Variants in EVC2 observed in about 807,000 individuals in gnomAD.
EVC2 encodes the protein limbin.
A neutral mutation model predicts 149.3 loss-of-function variants in EVC2; 148 were observed. The ratio of observed to expected loss-of-function variants is 0.99; its 90% CI spans 0.87 to 1.14. EVC2 has a LOEUF of 1.14. Among genes scored for constraint, EVC2 ranks in the 50% most tolerant of loss-of-function variants. The pLI is 0.00. For synonymous variants in EVC2, 776 were observed against 649.9 expected, an observed-to-expected ratio of 1.19 and a Z score of -2.95; for missense variants, 1,854 against 1,627.3, an observed-to-expected ratio of 1.14 and a Z score of -2.40.
chr4:5,703,819 T>C (rs1049005268), intron 1 of EVC2, among the ~76,000 whole-genome samples: 1 of 151,912 alleles, frequency 6.6e-6, no homozygotes, highest in Non-Finnish European at 1.5e-5. Flanking sequence ...ATAAGAACAG[T>C]GGAGCAAAAT....
At chr4:5,692,639 G>A (rs560011273) in intron 3 of EVC2, among the ~76,000 whole-genome samples, 1 of 150,856 alleles carries the variant, frequency 6.6e-6, no homozygotes, top group African/African-American at 2.4e-5. Flanking sequence ...AGGCCGAGGC[G>A]GGTGGATCAT....
At chr4:5,695,370 A>AT (rs1392905166) in intron 2 of EVC2, among the ~76,000 whole-genome samples, 1 of 151,974 alleles carries the variant, frequency 6.6e-6, no homozygotes, top group Non-Finnish European at 1.5e-5. Flanking sequence ...GAAAAAAAAA[A>AT]GAAGAAAGAA....
chr4:5,666,402 G>A (rs1719287290), intron 7 of EVC2, among the ~76,000 whole-genome samples: 1 of 152,206 alleles, frequency 6.6e-6, no homozygotes, highest in South Asian at 2.1e-4. Flanking sequence ...AAAGGAGTGT[G>A]TTCCTAATTC....
chr4:5,589,180 C>T (rs934833335), intron 16 of EVC2, among the ~76,000 whole-genome samples: 1 of 152,160 alleles, frequency 6.6e-6, no homozygotes, highest in Non-Finnish European at 1.5e-5. Flanking sequence ...AACAGGCTAA[C>T]CTTTTGGGTT....
chr4:5,584,969 C>G lies in EVC2; in HGVS notation c.2830-119G>C, dbSNP rs551858668. ...GATTCTGAGGACCACCAAAAGTTTA[C>G]AATGGAGACGCACTGGGAACCTGCA... is the stretch of plus-strand genomic sequence containing the variant. On this transcript the variant is annotated intron_variant, in intron 16 of 21. Transcript: ENST00000344408. 2.7e-5 allele frequency: 29 copies of G among 1,091,024 alleles called. No homozygotes were observed. In the African/African-American group the frequency reaches 4.5e-4, roughly 17 times the overall value. The allele number at this position is 1,091,024 out of a possible 1,614,324, so 67.6% of individuals were successfully genotyped here. A position where few individuals can be genotyped will look rare whatever the true frequency, so the allele number is the denominator to read the frequency against.
chr4:5,666,683 T>C (rs956975000), intron 7 of EVC2, among the ~76,000 whole-genome samples: 1 of 152,208 alleles, frequency 6.6e-6, no homozygotes, highest in Admixed American at 6.5e-5. Flanking sequence ...TCTGGTATCA[T>C]AGAGAGCTTT....
chr4:5,619,971 A>ATACCC (rs1283276938), intron 14 of EVC2, among the ~76,000 whole-genome samples: 1 of 152,218 alleles, frequency 6.6e-6, no homozygotes, highest in African/African-American at 2.4e-5. Context: ...GTGGTTGGCC[A>ATACCC]GAGTCAGGTT....
intron 21 of EVC2, chr4:5,543,251 C>T (rs1200387391): frequency 8.0e-7 from 1 of 1,256,404 alleles, no homozygotes; most frequent in African/African-American, 1.5e-5. Flanking sequence ...CAAAGTCTCT[C>T]CCATCCCTAC....
intron 17 of EVC2, among the ~76,000 whole-genome samples, chr4:5,580,530 T>A (rs1362320657): frequency 6.6e-6 from 1 of 152,156 alleles, no homozygotes; most frequent in African/African-American, 2.4e-5. Context: ...ACTGAGGGTG[T>A]TTCTTGGGCA....
In EVC2 at chr4:5,622,226, G is replaced by A. The variant is rs1445487577; in HGVS notation, c.2501+311C>T. ...ATTTATCCCTGAGTAGCTCCCTGGA[G>A]TTATTAACCCCAGGGAATTATTCAG... On this transcript the variant is annotated intron_variant, in intron 14 of 21. Transcript: ENST00000344408. The surrounding 1 kb of genome is among the most constrained non-coding windows in gnomAD (Gnocchi z 5.8). 3.3e-5 allele frequency among the ~76,000 whole-genome samples: 5 copies of A among 151,988 alleles called. No individual in the cohort carries two copies. The highest frequency in any genetic ancestry group is 1.2e-4 in the African/African-American group (5 of 41,372).
At chr4:5,619,766 T>C (rs558136871) in intron 14 of EVC2, among the ~76,000 whole-genome samples, 6 of 152,270 alleles carry the variant, frequency 3.9e-5, no homozygotes, top group East Asian at 1.9e-4. Context: ...GGCCATACAA[T>C]TGCTTTCTCA....
intron 21 of EVC2, among the ~76,000 whole-genome samples, chr4:5,552,804 G>A (rs930847138): frequency 6.6e-6 from 1 of 152,184 alleles, no homozygotes; most frequent in Admixed American, 6.5e-5. Context: ...TACTGAAGAG[G>A]AAGCCGAGGT....
chr4:5,707,791 G>A (rs528231062), intron 1 of EVC2, among the ~76,000 whole-genome samples: 2 of 152,200 alleles, frequency 1.3e-5, no homozygotes, highest in South Asian at 4.1e-4. Context: ...CCAGGGTGAA[G>A]TAGGAAGTGG....
chr4:5,669,153 A>G (rs978967794), intron 7 of EVC2, among the ~76,000 whole-genome samples: 4 of 152,224 alleles, frequency 2.6e-5, no homozygotes, highest in Non-Finnish European at 5.9e-5. Context: ...TATAAACAGC[A>G]TGGCCCTGCC....
At chr4:5,610,312 A>C (rs1344590350) in intron 16 of EVC2, among the ~76,000 whole-genome samples, 10 of 152,208 alleles carry the variant, frequency 6.6e-5, no homozygotes, top group African/African-American at 2.4e-4. Flanking sequence ...GTGTCTACCA[A>C]GGTGCCTGGC....
In EVC2 at chr4:5,565,308, C is replaced by T. The variant is rs754595798; in HGVS notation, c.3609G>A (p.Leu1203=). The change falls in exon 21 of 22, where the codon CTG becomes CTA. Residue 1203 remains leucine (L), a synonymous_variant. Coordinates refer to ENST00000344408, the MANE Select transcript of EVC2 (RefSeq NM_147127.5). ...QALDGKLRGD[L]ISRGLEKMLW... is the part of the protein sequence containing the mutation. ...GCATCTTTTCTAATCCTCTGCTTATCAGATCTCCTCGCAGTTTGCCATCTA... is the reference window on the plus strand; with the variant it reads ...GCATCTTTTCTAATCCTCTGCTTATTAGATCTCCTCGCAGTTTGCCATCTA... 2 of 1,614,150 alleles carry T rather than the reference C, an allele frequency of 1.2e-6. No homozygotes were observed. Among genetic ancestry groups the T allele is most frequent in the Non-Finnish European group, 8.5e-7 (1 of 1,180,030 alleles).
At chr4:5,533,623 C>T in the EVC2 span, among the ~76,000 whole-genome samples, 1 of 152,202 alleles carries the variant, frequency 6.6e-6, no homozygotes, top group Non-Finnish European at 1.5e-5. Context: ...GGCAGAAGAG[C>T]CGCCAGGGCA....
intron 11 of EVC2, 97 bp downstream of exon 11, chr4:5,631,696 T>G (rs779654099): frequency 6.9e-5 from 106 of 1,532,664 alleles, no homozygotes; most frequent in Non-Finnish European, 9.4e-5. Context: ...TAGTGCACAG[T>G]ACAAAGGAGA....
At chr4:5,537,904 A>G (rs967649004), downstream of EVC2, among the ~76,000 whole-genome samples, 1 of 152,176 alleles carries the variant, frequency 6.6e-6, no homozygotes, top group Admixed American at 6.5e-5. Context: ...TCTTAAACCT[A>G]AAGTAAGCCA....
Sources: gnomAD v4.1 joint callset for allele counts (sites outside exome capture counted in the v4.1 genomes callset) on GRCh38, gnomAD v4.1.1 for gene constraint, Gnocchi (gnomAD v3.1) non-coding constraint, MANE v1.5 for transcripts, NCBI Gene and HGNC (gene_info 2026-07-23, HGNC 2026-07-21) for gene names.